Variants in MRTFA observed in about 807,000 individuals in gnomAD.
MRTFA encodes the protein myocardin related transcription factor A.
In MRTFA, 20 loss-of-function variants were observed where a neutral mutation model predicts 83.5. That is an observed-to-expected ratio of 0.24 (90% CI 0.17 to 0.35). MRTFA has a LOEUF of 0.35. Among genes scored for constraint, MRTFA ranks in the 10% least tolerant of loss-of-function variants. The probability of loss-of-function intolerance (pLI) is 1.00; values close to 1 mark genes in which losing one functional copy is unlikely to be tolerated. For synonymous variants in MRTFA, 659 were observed against 541.2 expected (o/e 1.22, Z -3.02); for missense variants, 1,200 against 1,224.7 (o/e 0.98, Z 0.30).
intron 2 of MRTFA, among the ~76,000 whole-genome samples, chr22:40,577,235 TAAAAAAAA>T (rs760829183): frequency 4.7e-5 from 3 of 64,442 alleles, no homozygotes; most frequent in Non-Finnish European, 9.0e-5. Context: ...GACCCTTGTC[TAAAAAAAA>T]AAAAAAAAAA....
chr22:40,440,548 C>A (rs952721435), intron 4 of MRTFA, among the ~76,000 whole-genome samples: 2 of 152,220 alleles, frequency 1.3e-5, no homozygotes, highest in African/African-American at 4.8e-5. Context: ...GGAGGGAGCA[C>A]TGGCCCCTCT....
intron 2 of MRTFA, among the ~76,000 whole-genome samples, chr22:40,576,789 A>T (rs2055873779): frequency 6.6e-6 from 1 of 152,220 alleles, no homozygotes; most frequent in Admixed American, 6.5e-5. Context: ...CATCATTAAG[A>T]TCATAATGAG....
At chr22:40,507,217 C>T (rs1043666353) in intron 3 of MRTFA, among the ~76,000 whole-genome samples, 1 of 151,988 alleles carries the variant, frequency 6.6e-6, no homozygotes, top group Non-Finnish European at 1.5e-5. Flanking sequence ...AAAAATTAGC[C>T]AGGCGTGGTG....
intron 1 of MRTFA, among the ~76,000 whole-genome samples, chr22:40,607,638 C>A (rs1400830566): frequency 6.6e-6 from 1 of 152,222 alleles, no homozygotes; most frequent in Non-Finnish European, 1.5e-5. Flanking sequence ...TTAAAGCAAG[C>A]CTTCCCAACA....
rs1038036910 is a variant in MRTFA, at chr22:40,411,307, G to A, written c.*83C>T. The A allele has an allele frequency of 9.2e-6, 13 of 1,405,726 alleles. No individual in the cohort carries two copies. Among genetic ancestry groups the A allele is most frequent in the African/African-American group, 2.9e-5 (2 of 69,782 alleles). The allele number at this position is 1,405,726 out of a possible 1,614,324, so 87.1% of individuals were successfully genotyped here. A position where few individuals can be genotyped will look rare whatever the true frequency, so the allele number is the denominator to read the frequency against. ...GATTGTCAAGACTCACAACCATGTG[G>A]AGAGGCCGAATCACGCAGGAGAGCC... On this transcript the variant is annotated 3_prime_UTR_variant, in exon 15 of 15. Transcript: ENST00000355630.
intron 3 of MRTFA, among the ~76,000 whole-genome samples, chr22:40,470,382 G>C (rs2053888857): frequency 6.7e-6 from 1 of 148,790 alleles, no homozygotes; most frequent in Non-Finnish European, 1.5e-5. Flanking sequence ...AAGAGAATGA[G>C]AGAAATTAGA....
intron 3 of MRTFA, among the ~76,000 whole-genome samples, chr22:40,477,724 C>T (rs561623676): frequency 2.0e-5 from 3 of 150,900 alleles, no homozygotes; most frequent in East Asian, 3.9e-4. Flanking sequence ...TATCAAGCCA[C>T]GCTTATTTAA....
Position 40,480,952 on chromosome 22 carries a change from C to T in MRTFA, c.242-17666G>A, listed in dbSNP as rs572257129. On this transcript the variant is annotated intron_variant, in intron 3 of 14. Transcript: ENST00000355630. ...TTTCTGAGCAACACAGGGAGACCCC[C>T]GTTTCTACAAAAAATAATTTTTTAA... Among the ~76,000 whole-genome samples the T allele has an allele frequency of 2.5e-3, 383 of 151,804 alleles. 1 individual carries two copies. Among genetic ancestry groups the T allele is most frequent in the Non-Finnish European group, 4.5e-3 (305 of 67,930 alleles).
In MRTFA at chr22:40,617,172, G is replaced by A. The variant is rs865960368; in HGVS notation, c.-84+19306C>T. Among the ~76,000 whole-genome samples the A allele has an allele frequency of 6.2e-4, 59 of 95,266 alleles. 1 individual carries two copies. The highest frequency in any genetic ancestry group is 3.8e-3 in the East Asian group (8 of 2,116). The allele number at this position is 95,266 out of a possible 152,430, so 62.5% of individuals were successfully genotyped here. A position where few individuals can be genotyped will look rare whatever the true frequency, so the allele number is the denominator to read the frequency against. ...AAGGAAGGAAGGAAGGAGGGAAGGA[G>A]GGAAGGAGGGAAGGAGGGAGGGAGG... On this transcript the variant is annotated intron_variant, in intron 1 of 14. Coordinates refer to ENST00000355630, the MANE Select transcript of MRTFA (RefSeq NM_020831.6).
rs752373625 is a variant in MRTFA at position 40,584,231 on chromosome 22, G to T, written c.-22+10443C>A. Among the ~76,000 whole-genome samples, 4 of 152,276 alleles carry T rather than the reference G, an allele frequency of 2.6e-5. No homozygotes were observed. The South Asian group carries it at 8.3e-4, about 32-fold the overall frequency. ...AAATCTAAAGTGTCCAATGGTTTCC[G>T]ATGCTAAGAAACTAAAGCTCAGAAG... On this transcript the variant is annotated intron_variant, in intron 2 of 14. Coordinates refer to ENST00000355630, the MANE Select transcript of MRTFA (RefSeq NM_020831.6).
At chr22:40,412,060 C>T (rs1018632960) in intron 14 of MRTFA, 153 bp from the exon 15 acceptor site, 10 of 554,128 alleles carry the variant, frequency 1.8e-5, no homozygotes, top group African/African-American at 1.7e-4. Flanking sequence ...GACTATAAAA[C>T]TCTTTAAAAA....
chr22:40,486,236 A>C (rs2054172528), intron 3 of MRTFA, among the ~76,000 whole-genome samples: 1 of 152,172 alleles, frequency 6.6e-6, no homozygotes, highest in Admixed American at 6.5e-5. Flanking sequence ...TTTTCTTTAT[A>C]ACTAATCTTA....
rs2052718807 is a variant in MRTFA, at chr22:40,417,804, C to T, written c.2365-311G>A. On this transcript the variant is annotated intron_variant, in intron 12 of 14. Coordinates refer to ENST00000355630, the MANE Select transcript of MRTFA (RefSeq NM_020831.6). ...GGGGCTGCTCAGGGACCCCTGTCTCCTATCCTGAGGTACCTGTTCCTGTCA... is the reference window on the plus strand; with the variant it reads ...GGGGCTGCTCAGGGACCCCTGTCTCTTATCCTGAGGTACCTGTTCCTGTCA... 1.1e-5 allele frequency: 4 copies of T among 355,774 alleles called. No individual in the cohort carries two copies. In the South Asian group the frequency reaches 1.4e-4, roughly 13 times the overall value. The allele number at this position is 355,774 out of a possible 1,614,324, so 22.0% of individuals were successfully genotyped here. A position where few individuals can be genotyped will look rare whatever the true frequency, so the allele number is the denominator to read the frequency against.
At chr22:40,631,619 A>G (rs1015775946) in intron 1 of MRTFA, among the ~76,000 whole-genome samples, 1 of 152,070 alleles carries the variant, frequency 6.6e-6, no homozygotes, top group African/African-American at 2.4e-5. Flanking sequence ...TTTCATCAAT[A>G]TAAAAAAAAA....
At chr22:40,453,700 C>G (rs4507196) in intron 4 of MRTFA, among the ~76,000 whole-genome samples, 1 of 151,736 alleles carries the variant, frequency 6.6e-6, no homozygotes, top group African/African-American at 2.4e-5. Flanking sequence ...CAAACAAGTG[C>G]TATTTTCTTG....
intron 1 of MRTFA, among the ~76,000 whole-genome samples, chr22:40,632,531 G>GT (rs1300630234): frequency 6.6e-6 from 1 of 152,098 alleles, no homozygotes; most frequent in Non-Finnish European, 1.5e-5. Context: ...CGCCTCCCAG[G>GT]TTCAAGTGAT....
intron 14 of MRTFA, among the ~76,000 whole-genome samples, chr22:40,414,829 T>C (rs536674530): frequency 1.2e-3 from 185 of 151,062 alleles, no homozygotes; most frequent in African/African-American, 4.4e-3. Flanking sequence ...ATACCTCTGA[T>C]TGTACATTTA....
At chr22:40,602,266 A>C (rs1429475877) in intron 1 of MRTFA, among the ~76,000 whole-genome samples, 1 of 152,234 alleles carries the variant, frequency 6.6e-6, no homozygotes, top group Non-Finnish European at 1.5e-5. Flanking sequence ...CTAGATGCTA[A>C]GGAAACACAA....
At chr22:40,523,453 C>A (rs1373222091) in intron 3 of MRTFA, 3 of 152,250 alleles carry the variant, frequency 2.0e-5, no homozygotes, top group African/African-American at 4.8e-5. Flanking sequence ...GAGCCTCCCA[C>A]TTCAGCCCCC....
Sources: gnomAD v4.1 joint callset for allele counts (sites outside exome capture counted in the v4.1 genomes callset) on GRCh38, gnomAD v4.1.1 for gene constraint, MANE v1.5 for transcripts, NCBI Gene and HGNC (gene_info 2026-07-23, HGNC 2026-07-21) for gene names.